CSMD3: variants seen among roughly 807,000 people sequenced by gnomAD.
CSMD3 encodes the protein CUB and Sushi multiple domains 3, also known as CUB and sushi domain-containing protein 3.
A neutral mutation model predicts 435.2 loss-of-function variants in CSMD3; 177 were observed. That is an observed-to-expected ratio of 0.41 (90% confidence interval 0.36 to 0.46). The LOEUF (loss-of-function observed/expected upper bound fraction) is 0.46. CSMD3 is among the 20% of genes least tolerant of loss of function. The probability of loss-of-function intolerance (pLI) is 0.34; values close to 1 mark genes in which losing one functional copy is unlikely to be tolerated. For synonymous variants in CSMD3, 1,656 were observed against 1,520.5 expected (o/e 1.09, Z -2.07); for missense variants, 4,265 against 4,504.6 (o/e 0.95, Z 1.52).
At chr8:113,222,640 G>A (rs970180043) in intron 3 of CSMD3, among the ~76,000 whole-genome samples, 2 of 150,914 alleles carry the variant, frequency 1.3e-5, no homozygotes, top group Non-Finnish European at 3.0e-5. Context: ...GACAAATTAT[G>A]TATTATAAAT....
chr8:113,274,063 A>C (rs1323790291), intron 3 of CSMD3, among the ~76,000 whole-genome samples: 1 of 152,068 alleles, frequency 6.6e-6, no homozygotes, highest in African/African-American at 2.4e-5. Context: ...TTGTAATTTG[A>C]CAAAATAAAA....
chr8:112,807,456 G>A (rs1419064543), intron 12 of CSMD3, among the ~76,000 whole-genome samples: 1 of 151,886 alleles, frequency 6.6e-6, no homozygotes, highest in Non-Finnish European at 1.5e-5. Context: ...AAGCAGCACA[G>A]TTAATAGAAG....
chr8:112,690,574 T>C (rs961347573), intron 13 of CSMD3, among the ~76,000 whole-genome samples: 1 of 138,854 alleles, frequency 7.2e-6, no homozygotes, highest in Non-Finnish European at 1.5e-5. Context: ...GGTTGAATTA[T>C]TTTCCCAACT....
At chr8:113,012,433 T>C (rs934139870) in intron 6 of CSMD3, among the ~76,000 whole-genome samples, 10 of 151,992 alleles carry the variant, frequency 6.6e-5, no homozygotes, top group Admixed American at 5.3e-4. Flanking sequence ...TCAAATATCA[T>C]CTTGAATTGT....
Position 113,321,755 on chromosome 8 carries a change from G to A in CSMD3, c.179-6962C>T, listed in dbSNP as rs58811264. On this transcript the variant is annotated intron_variant, in intron 1 of 70. Coordinates refer to ENST00000297405, the MANE Select transcript of CSMD3 (RefSeq NM_198123.2). ...TTGAGGAAACTCAGAGACAAATAGG[G>A]TTAGTATTATAATTTTGGGTAAATT... 7.9e-5 allele frequency among the ~76,000 whole-genome samples: 12 copies of A among 152,210 alleles called. No individual in the cohort carries two copies. In the South Asian group the frequency reaches 2.3e-3, roughly 29 times the overall value.
chr8:112,352,632 C>G, intron 38 of CSMD3, 98 bp from the exon 39 acceptor site: 1 of 1,024,290 alleles, frequency 9.8e-7, no homozygotes, highest in South Asian at 1.3e-5. Context: ...AGTGTCTCAT[C>G]AAACTAGATA....
At chr8:113,184,215 TG>T (rs1369863653) in intron 3 of CSMD3, among the ~76,000 whole-genome samples, 1 of 152,006 alleles carries the variant, frequency 6.6e-6, no homozygotes, top group Non-Finnish European at 1.5e-5. Flanking sequence ...ATTCCCTCCC[TG>T]GAAGTGCCAC....
intron 13 of CSMD3, among the ~76,000 whole-genome samples, chr8:112,789,459 A>G (rs1234733746): frequency 6.6e-6 from 1 of 152,090 alleles, no homozygotes; most frequent in African/African-American, 2.4e-5. Flanking sequence ...CACTACAGAG[A>G]AAAACAATTA....
intron 3 of CSMD3, among the ~76,000 whole-genome samples, chr8:113,214,699 C>T (rs1450159883): frequency 6.6e-6 from 1 of 151,650 alleles, no homozygotes; most frequent in Non-Finnish European, 1.5e-5. Flanking sequence ...TAGAGGAATG[C>T]CTAAAAATAC....
intron 31 of CSMD3, among the ~76,000 whole-genome samples, chr8:112,481,702 A>G (rs1819634875): frequency 6.6e-6 from 1 of 152,182 alleles, no homozygotes; most frequent in African/African-American, 2.4e-5. Flanking sequence ...TATATCTCTC[A>G]TGGAGCATTT....
At chr8:112,479,602 C>T (rs914575083) in intron 31 of CSMD3, among the ~76,000 whole-genome samples, 2 of 152,164 alleles carry the variant, frequency 1.3e-5, no homozygotes, top group Admixed American at 6.5e-5. Flanking sequence ...CCCAGCCACT[C>T]TGGCTTCAGC....
In CSMD3 at chr8:112,487,982, A is replaced by AT. The variant is rs1221028152; in HGVS notation, c.5278+4506dup. 2.0e-5 allele frequency among the ~76,000 whole-genome samples: 3 copies of AT among 152,166 alleles called. No individual in the cohort carries two copies. The South Asian group carries it at 6.2e-4, about 32-fold the overall frequency. On this transcript the variant is annotated intron_variant, in intron 31 of 70. Transcript: ENST00000297405. ...AGGGAAGAAATTATTTTCTAAACAA[A>AT]TTTTTTTAATCACAAAAGGAATTGT... is the stretch of plus-strand genomic sequence containing the variant.
At chr8:113,131,759 G>A (rs186433072) in intron 4 of CSMD3, among the ~76,000 whole-genome samples, 86 of 152,254 alleles carry the variant, frequency 5.6e-4, no homozygotes, top group African/African-American at 1.9e-3. Flanking sequence ...CAACAGCACC[G>A]TGCACCTGGA....
At chr8:112,403,265 C>T (rs1346148021) in intron 35 of CSMD3, among the ~76,000 whole-genome samples, 1 of 152,176 alleles carries the variant, frequency 6.6e-6, no homozygotes, top group Non-Finnish European at 1.5e-5. Context: ...ATCCTGCCTC[C>T]ACTCTAACCC....
chr8:112,395,341 A>T (rs2129816545), intron 35 of CSMD3, among the ~76,000 whole-genome samples: 1 of 152,308 alleles, frequency 6.6e-6, no homozygotes, highest in East Asian at 1.9e-4. Context: ...AATGCTTAAT[A>T]GTGCTTCATT....
chr8:112,612,786 T>C (rs969577871), intron 22 of CSMD3, among the ~76,000 whole-genome samples: 4 of 136,714 alleles, frequency 2.9e-5, no homozygotes, highest in South Asian at 2.7e-4. Flanking sequence ...GGCTCCATCA[T>C]ACCTCACTTT....
At chr8:112,569,837 A>C (rs1829362955) in intron 24 of CSMD3, among the ~76,000 whole-genome samples, 1 of 152,070 alleles carries the variant, frequency 6.6e-6, no homozygotes, top group Non-Finnish European at 1.5e-5. Context: ...AATACTTCCC[A>C]CAATTATTTT....
At chr8:112,856,883 GAA>G (rs2080676273) in intron 11 of CSMD3, among the ~76,000 whole-genome samples, 1 of 151,748 alleles carries the variant, frequency 6.6e-6, no homozygotes, top group African/African-American at 2.4e-5. Flanking sequence ...ATTTCCTTCT[GAA>G]AAGGGTTCCA....
chr8:112,670,615 C>T (rs990013986), intron 16 of CSMD3, among the ~76,000 whole-genome samples: 4 of 152,084 alleles, frequency 2.6e-5, no homozygotes, highest in African/African-American at 9.7e-5. Flanking sequence ...CATTTATTGA[C>T]GTGCAAAGAG....
Sources: allele counts gnomAD v4.1 joint callset (sites outside exome capture counted in the v4.1 genomes callset), GRCh38; gene constraint gnomAD v4.1.1; transcripts MANE v1.5; gene names NCBI Gene and HGNC (gene_info 2026-07-23, HGNC 2026-07-21).